HMBOX1: variants seen among roughly 807,000 people sequenced by gnomAD.
The protein encoded by HMBOX1 is homeobox-containing protein 1.
A neutral mutation model predicts 54.5 loss-of-function variants in HMBOX1; 14 were observed. That is an observed-to-expected ratio of 0.26 (90% CI 0.17 to 0.40). The LOEUF is 0.40. Ranked by LOEUF, HMBOX1 falls within the 10% of genes least tolerant of loss-of-function variation. The pLI is 1.00. For missense variants in HMBOX1, 332 were observed against 514.4 expected (o/e 0.65, Z 3.43); for synonymous variants, 160 against 181.0 (o/e 0.88, Z 0.93).
intron 6 of HMBOX1, among the ~76,000 whole-genome samples, chr8:29,041,707 T>C (rs1804846870): frequency 1.3e-5 from 2 of 152,052 alleles, no homozygotes; most frequent in African/African-American, 2.4e-5. Flanking sequence ...AAAAAGCTGA[T>C]ATACTTGCAA....
intron 4 of HMBOX1, among the ~76,000 whole-genome samples, chr8:28,991,293 T>C (rs148484710): frequency 2.4e-4 from 36 of 152,334 alleles, no homozygotes; most frequent in African/African-American, 8.2e-4. Context: ...TATTTTTCTC[T>C]TGCCAGTTGC....
chr8:28,934,582 T>G (rs564686834), intron 1 of HMBOX1, among the ~76,000 whole-genome samples: 1 of 152,300 alleles, frequency 6.6e-6, no homozygotes, highest in African/African-American at 2.4e-5. Flanking sequence ...TTGTAAAAAC[T>G]CTTAGAATTA....
rs143927790 is a variant in HMBOX1, at chr8:29,050,245, A to T, written c.1126-773A>T. 3.3e-4 allele frequency: 320 copies of T among 984,098 alleles called. 1 individual carries two copies. Among genetic ancestry groups the T allele is most frequent in the East Asian group, 2.8e-3 (25 of 8,822 alleles). The allele number at this position is 984,098 out of a possible 1,614,324, so 61.0% of individuals were successfully genotyped here. A position where few individuals can be genotyped will look rare whatever the true frequency, so the allele number is the denominator to read the frequency against. On this transcript the variant is annotated intron_variant, in intron 9 of 9. Coordinates refer to ENST00000287701, the MANE Select transcript of HMBOX1 (RefSeq NM_001135726.3). ...GCTCTTTGATACGGAGTTCCCCTGAAGATGACAGGTGAGAAACATACCCCT... is the reference window on the plus strand; with the variant it reads ...GCTCTTTGATACGGAGTTCCCCTGATGATGACAGGTGAGAAACATACCCCT...
At chr8:28,982,106 G>A (rs931096332) in intron 4 of HMBOX1, among the ~76,000 whole-genome samples, 3 of 152,056 alleles carry the variant, frequency 2.0e-5, no homozygotes, top group African/African-American at 2.4e-5. Context: ...GGTGGCGGGC[G>A]CCTGTAGTCC....
chr8:28,972,870 A>G lies in HMBOX1; in HGVS notation c.500+2351A>G, dbSNP rs192693778. On this transcript the variant is annotated intron_variant, in intron 3 of 9. Transcript: ENST00000287701. The stretch of plus-strand genomic sequence containing the variant: ...CTGGGATTTGTAGTTAAATCCCATA[A>G]TTACACCCATTCCAGTTTCACTGTG... Among the ~76,000 whole-genome samples the G allele has an allele frequency of 1.1e-3, 170 of 152,350 alleles. 2 individuals are homozygous for G. Among genetic ancestry groups the G allele is most frequent in the Admixed American group, 3.9e-4 (6 of 15,308 alleles).
intron 1 of HMBOX1, among the ~76,000 whole-genome samples, chr8:28,936,625 CAA>C (rs1345509945): frequency 2.0e-5 from 3 of 151,904 alleles, no homozygotes; most frequent in Admixed American, 2.0e-4. Flanking sequence ...GATTTCATGT[CAA>C]ATGAGATGAA....
In HMBOX1 at chr8:28,991,204, A is replaced by G. The variant is rs182278432; in HGVS notation, c.586+11048A>G. On this transcript the variant is annotated intron_variant, in intron 4 of 9. Coordinates refer to ENST00000287701, the MANE Select transcript of HMBOX1 (RefSeq NM_001135726.3). ...TACTGAAGTCAGCAGAATAGAATAT[A>G]GAACAGTAGAGATTATTAGGTCCTT... is the stretch of plus-strand genomic sequence containing the variant. Among the ~76,000 whole-genome samples, 96 of 152,374 alleles carry G rather than the reference A, an allele frequency of 6.3e-4. 1 individual carries two copies. The highest frequency in any genetic ancestry group is 6.3e-3 in the Admixed American group (96 of 15,308).
At chr8:28,951,991 G>T (rs1252213845) in intron 1 of HMBOX1, among the ~76,000 whole-genome samples, 2 of 151,994 alleles carry the variant, frequency 1.3e-5, no homozygotes, top group African/African-American at 2.4e-5. Context: ...GGGCAACATA[G>T]TTGGATCCCT....
rs139871093 is a variant in HMBOX1, at chr8:28,902,902, C to G, written c.-58+12224C>G. Among the ~76,000 whole-genome samples the G allele has an allele frequency of 3.2e-3, 493 of 152,226 alleles. 7 individuals are homozygous for G. Among genetic ancestry groups the G allele is most frequent in the African/African-American group, 0.011 (460 of 41,536 alleles). On this transcript the variant is annotated intron_variant, in intron 1 of 9. Transcript: ENST00000287701. The stretch of plus-strand genomic sequence containing the variant: ...GTTATGCAAAATGCAACGTGCCATA[C>G]CAAAAGATAAATACTGTTAATAATT...
chr8:28,972,627 T>C (rs1039771957), intron 3 of HMBOX1, among the ~76,000 whole-genome samples: 1 of 152,226 alleles, frequency 6.6e-6, no homozygotes, highest in African/African-American at 2.4e-5. Flanking sequence ...TTTTCGGTGT[T>C]GTTGCTGTTC....
chr8:28,945,855 C>T (rs1473917218), intron 1 of HMBOX1, among the ~76,000 whole-genome samples: 2 of 151,154 alleles, frequency 1.3e-5, no homozygotes, highest in Admixed American at 6.6e-5. Flanking sequence ...ATTCACATAC[C>T]GTACAATTTA....
chr8:28,958,894 G>GA (rs1198009575), intron 1 of HMBOX1, among the ~76,000 whole-genome samples: 23 of 151,898 alleles, frequency 1.5e-4, no homozygotes, highest in African/African-American at 5.3e-4. Flanking sequence ...CCTTAAATTG[G>GA]TTGATATATT....
chr8:28,975,625 T>G (rs1828237723), intron 3 of HMBOX1, among the ~76,000 whole-genome samples: 2 of 152,086 alleles, frequency 1.3e-5, no homozygotes, highest in Non-Finnish European at 2.9e-5. Context: ...CTTGAACTGG[T>G]TAGTTGCAAA....
At chr8:28,914,709 G>A (rs989015470) in intron 1 of HMBOX1, among the ~76,000 whole-genome samples, 5 of 152,148 alleles carry the variant, frequency 3.3e-5, no homozygotes, top group African/African-American at 4.8e-5. Context: ...TAAATATGTG[G>A]TTTTCATTTC....
intron 6 of HMBOX1, among the ~76,000 whole-genome samples, chr8:29,027,508 G>C (rs1802250657): frequency 6.6e-6 from 1 of 152,132 alleles, no homozygotes; most frequent in Non-Finnish European, 1.5e-5. Flanking sequence ...TGGAGCATTA[G>C]TGTATGTGAC....
intron 4 of HMBOX1, among the ~76,000 whole-genome samples, chr8:29,007,265 G>A (rs1410796906): frequency 1.3e-5 from 2 of 151,880 alleles, no homozygotes; most frequent in African/African-American, 4.8e-5. Context: ...CTCCAGTCTG[G>A]GCAACAGAGT....
intron 1 of HMBOX1, among the ~76,000 whole-genome samples, chr8:28,920,627 T>C (rs1459120989): frequency 6.6e-6 from 1 of 152,222 alleles, no homozygotes; most frequent in African/African-American, 2.4e-5. Flanking sequence ...CTGGAGACTG[T>C]GGCTAGGTTT....
At chr8:28,947,275 G>C (rs1191241709) in intron 1 of HMBOX1, among the ~76,000 whole-genome samples, 1 of 152,196 alleles carries the variant, frequency 6.6e-6, no homozygotes, top group Non-Finnish European at 1.5e-5. Flanking sequence ...AGTATCATGA[G>C]TATTGGGTAA....
intron 1 of HMBOX1, among the ~76,000 whole-genome samples, chr8:28,908,785 A>G (rs1452815254): frequency 6.6e-6 from 1 of 152,052 alleles, no homozygotes; most frequent in Non-Finnish European, 1.5e-5. Context: ...CCTGGGTTAT[A>G]TAGAAGGACT....
Sources: allele counts gnomAD v4.1 joint callset (sites outside exome capture counted in the v4.1 genomes callset), GRCh38; gene constraint gnomAD v4.1.1; transcripts MANE v1.5; gene names NCBI Gene and HGNC (gene_info 2026-07-23, HGNC 2026-07-21).